DIP2A: variants seen among roughly 807,000 people sequenced by gnomAD.
DIP2A encodes DIP2 acetate--CoA ligase A.
A neutral mutation model predicts 177.4 loss-of-function variants in DIP2A; 85 were observed. That is an observed-to-expected ratio of 0.48 (90% CI 0.40 to 0.57). The LOEUF (loss-of-function observed/expected upper bound fraction) is 0.57, where lower values mean the gene tolerates loss of function less well. DIP2A is among the 20% of genes least tolerant of loss of function. DIP2A has a pLI of 0.00. For synonymous variants in DIP2A, 886 were observed against 881.8 expected (o/e 1.00, Z -0.08); for missense variants, 1,791 against 2,100.2 (o/e 0.85, Z 2.88).
chr21:46,517,376 C>A (rs1280119312), intron 8 of DIP2A, among the ~76,000 whole-genome samples: 2 of 152,056 alleles, frequency 1.3e-5, no homozygotes, highest in Non-Finnish European at 2.9e-5. Flanking sequence ...CCATGCCTGG[C>A]CTTTTTGATT....
At chr21:46,464,107 T>G (rs1022791664) in intron 1 of DIP2A, among the ~76,000 whole-genome samples, 1 of 151,904 alleles carries the variant, frequency 6.6e-6, no homozygotes, top group African/African-American at 2.4e-5. Flanking sequence ...AAAGTTCTCA[T>G]GTTCAGCCAG....
chr21:46,497,631 C>T (rs557285074), intron 4 of DIP2A, among the ~76,000 whole-genome samples: 2 of 152,302 alleles, frequency 1.3e-5, no homozygotes, highest in Admixed American at 1.3e-4. Flanking sequence ...GTATTTTAGT[C>T]TTCCTGTTAA....
chr21:46,552,484 C>G (rs1467372460), intron 25 of DIP2A, among the ~76,000 whole-genome samples: 1 of 152,086 alleles, frequency 6.6e-6, no homozygotes, highest in African/African-American at 2.4e-5. Context: ...ATGCGAAATG[C>G]GGAAACACAG....
In DIP2A at chr21:46,567,472, G is replaced by A; in HGVS notation, c.4566G>A (p.Leu1522=). ...DLVALVTNVV[L]EEHYLVVGVV... ...TGGCCCTGGTGACCAACGTGGTGCT[G>A]GAGGAGCACTACCTGGTCGTGGGAG... The change falls in exon 38 of 38, where the codon CTG becomes CTA. Residue 1522 remains leucine (L), a synonymous_variant. Coordinates refer to ENST00000417564, the MANE Select transcript of DIP2A (RefSeq NM_015151.4). 1 of 1,614,014 alleles carries A rather than the reference G, an allele frequency of 6.2e-7. No homozygotes were observed. The highest frequency in any genetic ancestry group is 8.5e-7 in the Non-Finnish European group (1 of 1,179,902).
At chr21:46,466,339 T>A (rs2054827944) in intron 1 of DIP2A, among the ~76,000 whole-genome samples, 1 of 144,800 alleles carries the variant, frequency 6.9e-6, no homozygotes, top group African/African-American at 2.5e-5. Context: ...TTCTACATTA[T>A]AACTTTTTTT....
At chr21:46,504,944 A>G (rs1034089262) in intron 6 of DIP2A, among the ~76,000 whole-genome samples, 1 of 152,242 alleles carries the variant, frequency 6.6e-6, no homozygotes, top group Non-Finnish European at 1.5e-5. Flanking sequence ...ATGGTTTCCC[A>G]TGTGCAGGCT....
At chr21:46,497,198 C>T (rs925335715) in intron 4 of DIP2A, 91 bp downstream of exon 4, 8 of 1,468,562 alleles carry the variant, frequency 5.4e-6, no homozygotes, top group South Asian at 1.3e-5. Context: ...TTGGAATATC[C>T]GTCTGGCCTG....
At chr21:46,527,170 T>G (rs1452396874) in intron 8 of DIP2A, among the ~76,000 whole-genome samples, 1 of 152,214 alleles carries the variant, frequency 6.6e-6, no homozygotes, top group Non-Finnish European at 1.5e-5. Context: ...GGTTTTCTGT[T>G]GAACCTCTTT....
At position 46,569,039 on chromosome 21, in the gene DIP2A, C is replaced by A. The variant is rs1052052635; in HGVS notation, c.*1417C>A. ...AGAATGTAAAGTCCTTTAGTTACTT[C>A]TAAGAATTTGAAGTCAAGCACGAAT... On this transcript the variant is annotated 3_prime_UTR_variant, in exon 38 of 38. Coordinates refer to ENST00000417564, the MANE Select transcript of DIP2A (RefSeq NM_015151.4). The A allele has an allele frequency of 2.6e-5, 4 of 152,140 alleles. No homozygotes were observed. Among genetic ancestry groups the A allele is most frequent in the Non-Finnish European group, 4.4e-5 (3 of 68,026 alleles). 9.4% of individuals were successfully genotyped at this position (152,140 alleles called of 1,614,324 possible).
chr21:46,549,308 A>G (rs2148860255), intron 21 of DIP2A, among the ~76,000 whole-genome samples: 1 of 152,386 alleles, frequency 6.6e-6, no homozygotes, highest in African/African-American at 2.4e-5. Flanking sequence ...TAAAAGAAGG[A>G]AAAGGCAACA....
chr21:46,561,529 A>G (rs532071301), intron 33 of DIP2A: 3 of 655,432 alleles, frequency 4.6e-6, no homozygotes, highest in East Asian at 5.9e-5. Context: ...CTGTGAGCAC[A>G]TGGGGTGGGT....
In DIP2A at chr21:46,498,077, G is replaced by A. The variant is rs985530995; in HGVS notation, c.404-505G>A. On this transcript the variant is annotated intron_variant, in intron 4 of 37. Coordinates refer to ENST00000417564, the MANE Select transcript of DIP2A (RefSeq NM_015151.4). The surrounding 1 kb of genome is among the most constrained non-coding windows in gnomAD (Gnocchi z 4.3). ...ACATGACTCCCCTGAAAGGATGCAT[G>A]TAGACAGGGCTGCGGTTCTCCCATG... 3.9e-5 allele frequency among the ~76,000 whole-genome samples: 6 copies of A among 152,326 alleles called. No individual in the cohort carries two copies. The highest frequency in any genetic ancestry group is 1.4e-4 in the African/African-American group (6 of 41,568).
chr21:46,481,305 C>G (rs1464167788), intron 1 of DIP2A, among the ~76,000 whole-genome samples: 8 of 152,126 alleles, frequency 5.3e-5, no homozygotes, highest in African/African-American at 1.4e-4. Context: ...ATAGTCTGTT[C>G]CTCTTTATTG....
chr21:46,563,166 G>T lies in DIP2A; in HGVS notation c.4090-692G>T, dbSNP rs781368336. On this transcript the variant is annotated intron_variant, in intron 34 of 37. Transcript: ENST00000417564. This position sits in a 1 kb window ranked among gnomAD's most constrained non-coding sequence, Gnocchi z 4.3. ...AACAGAACAGTCCCACTCCGCCGGGGAGGGTCTGGCGGTAACCGTAGCTCA... is the reference window on the plus strand; with the variant it reads ...AACAGAACAGTCCCACTCCGCCGGGTAGGGTCTGGCGGTAACCGTAGCTCA... Among the ~76,000 whole-genome samples, 1 of 152,186 alleles carries T rather than the reference G, an allele frequency of 6.6e-6. No individual in the cohort carries two copies. Among genetic ancestry groups the T allele is most frequent in the Non-Finnish European group, 1.5e-5 (1 of 68,028 alleles).
intron 8 of DIP2A, among the ~76,000 whole-genome samples, chr21:46,527,953 T>G (rs1030579413): frequency 6.6e-6 from 1 of 152,090 alleles, no homozygotes; most frequent in Non-Finnish European, 1.5e-5. Context: ...TTTTCCTTTC[T>G]CTATTGTCCT....
intron 8 of DIP2A, among the ~76,000 whole-genome samples, chr21:46,528,589 A>G (rs28583333): frequency 0.079 from 9,171 of 115,416 alleles, 851 homozygotes; most frequent in African/African-American, 0.24. Flanking sequence ...TTTATTGCCC[A>G]GGCTGGCTCT....
At chr21:46,529,263 T>C in intron 9 of DIP2A, 80 bp downstream of exon 9, 1 of 907,442 alleles carries the variant, frequency 1.1e-6, no homozygotes, top group Non-Finnish European at 1.7e-6. Flanking sequence ...ATTAGTGTTC[T>C]ATCATTTAGT....
At chr21:46,523,393 A>ATTTTTTTTTTTTTTTTTTTTTTTT (rs61370008) in intron 8 of DIP2A, among the ~76,000 whole-genome samples, 1 of 89,914 alleles carries the variant, frequency 1.1e-5, no homozygotes, top group Non-Finnish European at 2.0e-5. Flanking sequence ...CGCCTGGCTA[A>ATTTTTTTTTTTTTTTTTTTTTTTT]TTTTTTTTTT....
At chr21:46,501,472 T>TA (rs1233256764) in intron 5 of DIP2A, among the ~76,000 whole-genome samples, 2 of 152,048 alleles carry the variant, frequency 1.3e-5, no homozygotes, top group Non-Finnish European at 2.9e-5. Context: ...CACGCTGGAG[T>TA]ACAGTGGCAT....
Sources: allele counts gnomAD v4.1 joint callset (sites outside exome capture counted in the v4.1 genomes callset), GRCh38; gene constraint gnomAD v4.1.1; non-coding constraint Gnocchi (gnomAD v3.1); transcripts MANE v1.5; gene names NCBI Gene and HGNC (gene_info 2026-07-23, HGNC 2026-07-21).